YAP1: variants seen among roughly 807,000 people sequenced by gnomAD.
YAP1 encodes the protein transcriptional coactivator YAP1.
YAP1 carries 5 observed loss-of-function variants against 56.9 expected under a neutral mutation model. The observed-to-expected ratio is 0.09, with a 90% CI of 0.05 to 0.18. The LOEUF (loss-of-function observed/expected upper bound fraction) is 0.18. YAP1 is among the 10% of genes least tolerant of loss of function. YAP1 has a pLI of 1.00. For missense variants in YAP1, 539 were observed against 651.8 expected (o/e 0.83, Z 1.88); for synonymous variants, 265 against 248.1 (o/e 1.07, Z -0.64).
Position 102,111,098 on chromosome 11 carries a change from G to T in YAP1, c.250G>T (p.Val84Leu), listed in dbSNP as rs975783043. Residue 84 changes from valine to leucine, a missense_variant, in exon 1 of 9, where the codon GTG becomes TTG. Physicochemically the swap from Val to Leu is conservative, Grantham distance 32. Transcript: ENST00000282441. ...CAAGACGGCCAACGTGCCCCAGACCGTGCCCATGAGGCTCCGGAAGCTGCC... is the reference window on the plus strand; with the variant it reads ...CAAGACGGCCAACGTGCCCCAGACCTTGCCCATGAGGCTCCGGAAGCTGCC... ...NPKTANVPQT[V>L]PMRLRKLPDS... The T allele has an allele frequency of 1.1e-5, 17 of 1,613,288 alleles. No homozygotes were observed. The highest frequency in any genetic ancestry group is 1.4e-5 in the Non-Finnish European group (17 of 1,179,854).
chr11:102,146,949 C>T (rs1195782524), intron 2 of YAP1, among the ~76,000 whole-genome samples: 1 of 152,222 alleles, frequency 6.6e-6, no homozygotes, highest in Non-Finnish European at 1.5e-5. Context: ...GTTCTGAAAT[C>T]TATCAATAAT....
intron 3 of YAP1, among the ~76,000 whole-genome samples, chr11:102,181,178 G>T (rs1206875541): frequency 6.6e-6 from 1 of 151,898 alleles, no homozygotes; most frequent in East Asian, 1.9e-4. Context: ...AGGCTCGGTG[G>T]CTCACGCCTG....
chr11:102,188,400 A>G (rs1305923475), intron 4 of YAP1, among the ~76,000 whole-genome samples: 1 of 152,164 alleles, frequency 6.6e-6, no homozygotes, highest in Non-Finnish European at 1.5e-5. Flanking sequence ...CCCCTTTTAT[A>G]TGTTTATTTA....
chr11:102,182,597 C>CT (rs528069851), intron 3 of YAP1, among the ~76,000 whole-genome samples: 2 of 152,094 alleles, frequency 1.3e-5, no homozygotes, highest in Non-Finnish European at 1.5e-5. Context: ...ACTAAAAATT[C>CT]TTTTTTTGTG....
At chr11:102,117,067 C>T (rs1484237742) in intron 2 of YAP1, among the ~76,000 whole-genome samples, 1 of 152,116 alleles carries the variant, frequency 6.6e-6, no homozygotes, top group South Asian at 2.1e-4. Flanking sequence ...TGTTATGGAC[C>T]GTATAGTTGT....
At chr11:102,113,464 A>ATG (rs1032352452) in intron 1 of YAP1, among the ~76,000 whole-genome samples, 4 of 152,152 alleles carry the variant, frequency 2.6e-5, no homozygotes, top group Non-Finnish European at 4.4e-5. Context: ...AGAGTTGTGG[A>ATG]TGTGTGTGAG....
intron 3 of YAP1, among the ~76,000 whole-genome samples, chr11:102,184,715 G>A (rs143601015): frequency 3.3e-4 from 51 of 152,354 alleles, no homozygotes; most frequent in African/African-American, 1.1e-3. Flanking sequence ...CATGAGACTG[G>A]TGTGGACTGC....
At chr11:102,125,831 C>A (rs546156821) in intron 2 of YAP1, among the ~76,000 whole-genome samples, 15 of 152,180 alleles carry the variant, frequency 9.9e-5, no homozygotes, top group Admixed American at 8.5e-4. Flanking sequence ...CTGATGCCTT[C>A]ATTGTCTAGG....
chr11:102,121,159 C>T (rs1162454445), intron 2 of YAP1, among the ~76,000 whole-genome samples: 1 of 152,116 alleles, frequency 6.6e-6, no homozygotes, highest in African/African-American at 2.4e-5. Flanking sequence ...AATTCATGGC[C>T]AGCCGTCGTA....
intron 2 of YAP1, among the ~76,000 whole-genome samples, chr11:102,147,526 A>G (rs1945393946): frequency 6.6e-6 from 1 of 152,202 alleles, no homozygotes; most frequent in African/African-American, 2.4e-5. Context: ...TGCTTAAGGC[A>G]GGTGCGCATT....
At position 102,231,910 on chromosome 11, in the gene YAP1, T is replaced by C. The variant is rs946533213; in HGVS notation, c.*1970T>C. ...GGGCAAAAGTTGGAAGTAAGAAGTT[T>C]TATTTTAAGTACTTTCAGTGCTCAA... On this transcript the variant is annotated 3_prime_UTR_variant, in exon 9 of 9. Coordinates refer to ENST00000282441, the MANE Select transcript of YAP1 (RefSeq NM_001130145.3). The C allele has an allele frequency of 1.3e-5, 2 of 152,602 alleles. No homozygotes were observed. Among genetic ancestry groups the C allele is most frequent in the African/African-American group, 4.8e-5 (2 of 41,448 alleles). The allele number at this position is 152,602 out of a possible 1,614,324, so 9.5% of individuals were successfully genotyped here.
intron 4 of YAP1, among the ~76,000 whole-genome samples, chr11:102,195,400 A>G (rs1234732018): frequency 1.3e-5 from 2 of 152,194 alleles, no homozygotes; most frequent in African/African-American, 4.8e-5. Flanking sequence ...TGTTACCAGT[A>G]TTTTTGAACA....
chr11:102,227,682 C>A, intron 8 of YAP1, 101 bp downstream of exon 8: 2 of 769,268 alleles, frequency 2.6e-6, no homozygotes, highest in Non-Finnish European at 4.4e-6. Flanking sequence ...CAGAAGAAAA[C>A]CAATTAAAAT....
chr11:102,157,214 A>G (rs1386791467), intron 2 of YAP1, among the ~76,000 whole-genome samples: 2 of 152,232 alleles, frequency 1.3e-5, no homozygotes, highest in Non-Finnish European at 1.5e-5. Context: ...TGTCAAGGAA[A>G]TATAGTATAT....
rs552010273 is a variant in YAP1 at position 102,218,397 on chromosome 11, T to C, written c.1033-5225T>C. 2.0e-5 allele frequency among the ~76,000 whole-genome samples: 3 copies of C among 152,362 alleles called. No individual in the cohort carries two copies. The East Asian group carries it at 5.8e-4, about 29-fold the overall frequency. On this transcript the variant is annotated intron_variant, in intron 6 of 8. Coordinates refer to ENST00000282441, the MANE Select transcript of YAP1 (RefSeq NM_001130145.3). ...TGCTATGTAAAGAGCTGTTACACTG[T>C]TATAACTGTGTTGTCATTCTGTATT...
At chr11:102,168,237 A>G (rs1312364590) in intron 3 of YAP1, among the ~76,000 whole-genome samples, 1 of 152,158 alleles carries the variant, frequency 6.6e-6, no homozygotes, top group African/African-American at 2.4e-5. Context: ...TATATATTAA[A>G]TTTTTAAATA....
At chr11:102,112,781 A>G (rs1943039603) in intron 1 of YAP1, 2 of 985,050 alleles carry the variant, frequency 2.0e-6, no homozygotes, top group African/African-American at 3.5e-5. Context: ...AAGTGGGTTT[A>G]TGGACTCATT....
chr11:102,166,436 A>T (rs757440014), intron 3 of YAP1, among the ~76,000 whole-genome samples: 1 of 152,236 alleles, frequency 6.6e-6, no homozygotes, highest in Admixed American at 6.5e-5. Flanking sequence ...ACATGTTAAT[A>T]AGGTTTCAGT....
At chr11:102,162,963 TTTA>T (rs1195437099) in intron 3 of YAP1, among the ~76,000 whole-genome samples, 2 of 142,664 alleles carry the variant, frequency 1.4e-5, no homozygotes, top group Non-Finnish European at 3.0e-5. Context: ...GTTCTTATTT[TTTA>T]TTATTATTAT....
Sources: allele counts gnomAD v4.1 joint callset (sites outside exome capture counted in the v4.1 genomes callset), GRCh38; gene constraint gnomAD v4.1.1; transcripts MANE v1.5; gene names NCBI Gene and HGNC (gene_info 2026-07-23, HGNC 2026-07-21).